The following SPIDR variants were observed in gnomAD, a reference collection of about 807,000 sequenced individuals.
SPIDR encodes the protein scaffold protein involved in DNA repair, also known as DNA repair-scaffolding protein.
A neutral mutation model predicts 104.6 loss-of-function variants in SPIDR; 93 were observed. The ratio of observed to expected loss-of-function variants is 0.89; its 90% CI spans 0.75 to 1.06. SPIDR has a LOEUF of 1.06. SPIDR is among the 50% of genes least tolerant of loss of function. SPIDR has a pLI of 0.00. For missense variants in SPIDR, 1,154 were observed against 1,111.2 expected, an observed-to-expected ratio of 1.04 and a Z score of -0.55; for synonymous variants, 431 against 416.9, an observed-to-expected ratio of 1.03 and a Z score of -0.41.
chr8:47,639,672 G>A (rs2068533664), intron 10 of SPIDR, among the ~76,000 whole-genome samples: 1 of 152,194 alleles, frequency 6.6e-6, no homozygotes, highest in Non-Finnish European at 1.5e-5. Flanking sequence ...TATTGGCCAG[G>A]TGCAGTGGCT....
intron 8 of SPIDR, among the ~76,000 whole-genome samples, chr8:47,485,317 C>T (rs2077423624): frequency 6.6e-6 from 1 of 152,222 alleles, no homozygotes; most frequent in Admixed American, 6.5e-5. Context: ...GGGGCGCCTG[C>T]CATTGCTGAG....
intron 10 of SPIDR, among the ~76,000 whole-genome samples, chr8:47,632,549 A>G (rs552270735): frequency 6.6e-6 from 1 of 152,166 alleles, no homozygotes; most frequent in Non-Finnish European, 1.5e-5. Context: ...GTTTTATAAT[A>G]TTTATTTTAA....
chr8:47,550,150 C>G (rs199915129), intron 8 of SPIDR, among the ~76,000 whole-genome samples: 3 of 152,042 alleles, frequency 2.0e-5, no homozygotes, highest in South Asian at 2.1e-4. Context: ...CCAGTACCAT[C>G]CTGTTTTTGT....
intron 10 of SPIDR, among the ~76,000 whole-genome samples, chr8:47,613,963 C>T (rs768185924): frequency 7.2e-5 from 11 of 152,128 alleles, no homozygotes; most frequent in Non-Finnish European, 1.5e-4. Context: ...ATCAACCCAT[C>T]ACCTGGGTAT....
chr8:47,675,443 A>G (rs2076307190), intron 11 of SPIDR, among the ~76,000 whole-genome samples: 2 of 152,336 alleles, frequency 1.3e-5, no homozygotes, highest in African/African-American at 4.8e-5. Context: ...ATATTTGGAA[A>G]GCATGTCTAG....
At chr8:47,701,886 G>A (rs199776994) in intron 13 of SPIDR, 22 bp downstream of exon 13, 1 of 1,614,108 alleles carries the variant, frequency 6.2e-7, no homozygotes, top group Non-Finnish European at 8.5e-7. Context: ...GTTTCTAACA[G>A]GTTTTTTAGG....
chr8:47,424,821 C>T (rs553546190), intron 7 of SPIDR, among the ~76,000 whole-genome samples: 8 of 152,222 alleles, frequency 5.3e-5, no homozygotes, highest in South Asian at 4.1e-4. Context: ...CTGTAACCTC[C>T]GCCTCCTGGG....
At chr8:47,284,238 A>C (rs2038371493) in intron 3 of SPIDR, 144 bp downstream of exon 3, 1 of 615,676 alleles carries the variant, frequency 1.6e-6, no homozygotes, top group Non-Finnish European at 2.7e-6. Context: ...GATAAGGTAA[A>C]AAGATATTTT....
chr8:47,462,485 A>G (rs562052688), intron 8 of SPIDR, among the ~76,000 whole-genome samples: 1 of 152,162 alleles, frequency 6.6e-6, no homozygotes, highest in Non-Finnish European at 1.5e-5. Flanking sequence ...CCTGTCTATC[A>G]TTTTCCCCCC....
intron 5 of SPIDR, among the ~76,000 whole-genome samples, chr8:47,376,665 T>C (rs1025288116): frequency 3.3e-5 from 5 of 152,188 alleles, no homozygotes; most frequent in African/African-American, 1.2e-4. Context: ...TAGGTTCCAA[T>C]AAATAGTAAG....
At chr8:47,356,371 G>C (rs1015046719) in intron 5 of SPIDR, among the ~76,000 whole-genome samples, 9 of 152,106 alleles carry the variant, frequency 5.9e-5, no homozygotes, top group Admixed American at 3.9e-4. Context: ...TTCAGTGAAG[G>C]CCCCCTCAGA....
chr8:47,661,007 C>G, intron 10 of SPIDR: 11 of 981,236 alleles, frequency 1.1e-5, no homozygotes, highest in Non-Finnish European at 1.3e-5. Flanking sequence ...TGTGCAGGTA[C>G]CCAAACTCCT....
At chr8:47,553,511 T>C (rs1468055369) in intron 8 of SPIDR, among the ~76,000 whole-genome samples, 3 of 152,362 alleles carry the variant, frequency 2.0e-5, no homozygotes, top group East Asian at 1.9e-4. Flanking sequence ...CAATCACTGA[T>C]ACCCTTTCTT....
At chr8:47,692,741 C>T (rs931009859) in intron 11 of SPIDR, among the ~76,000 whole-genome samples, 1 of 152,098 alleles carries the variant, frequency 6.6e-6, no homozygotes, top group Non-Finnish European at 1.5e-5. Context: ...AGCCACCACA[C>T]CCGGCCAGAA....
chr8:47,465,076 T>A (rs143650694), intron 8 of SPIDR, among the ~76,000 whole-genome samples: 2 of 152,140 alleles, frequency 1.3e-5, no homozygotes, highest in African/African-American at 4.8e-5. Context: ...TCAACATTCT[T>A]AAAGAAAGAA....
intron 8 of SPIDR, among the ~76,000 whole-genome samples, chr8:47,506,836 C>T (rs569088260): frequency 5.9e-5 from 9 of 152,144 alleles, no homozygotes; most frequent in East Asian, 1.9e-4. Flanking sequence ...TGTAATTAAC[C>T]GGTTATTATG....
chr8:47,510,058 A>AT (rs563788125), intron 8 of SPIDR, among the ~76,000 whole-genome samples: 12 of 152,220 alleles, frequency 7.9e-5, no homozygotes, highest in Admixed American at 4.6e-4. Context: ...AAATACAGCA[A>AT]TTTTTTTTGT....
intron 11 of SPIDR, among the ~76,000 whole-genome samples, chr8:47,695,792 C>T (rs1188741275): frequency 6.6e-6 from 1 of 152,048 alleles, no homozygotes; most frequent in Non-Finnish European, 1.5e-5. Context: ...TAAATAACAC[C>T]AGCTATAATG....
At chr8:47,402,813 A>G (rs578106640) in intron 6 of SPIDR, among the ~76,000 whole-genome samples, 1 of 152,254 alleles carries the variant, frequency 6.6e-6, no homozygotes, top group Admixed American at 6.5e-5. Flanking sequence ...AAACTATTCC[A>G]ATCAATAGAA....
Sources: gnomAD v4.1 joint callset for allele counts (sites outside exome capture counted in the v4.1 genomes callset) on GRCh38, gnomAD v4.1.1 for gene constraint, MANE v1.5 for transcripts, NCBI Gene and HGNC (gene_info 2026-07-23, HGNC 2026-07-21) for gene names.